PTPRQ: variants seen among roughly 807,000 people sequenced by gnomAD.
The protein encoded by PTPRQ is phosphatidylinositol phosphatase PTPRQ.
In PTPRQ, 199 loss-of-function variants were observed where a neutral mutation model predicts 246.0. The ratio of observed to expected loss-of-function variants is 0.81; its 90% CI spans 0.72 to 0.91. PTPRQ has a LOEUF of 0.91. Among genes scored for constraint, PTPRQ ranks in the 40% least tolerant of loss-of-function variants. PTPRQ has a pLI of 0.00. For missense variants in PTPRQ, 2,624 were observed against 2,528.4 expected (o/e 1.04, Z -0.81); for synonymous variants, 869 against 853.2 (o/e 1.02, Z -0.32).
chr12:80,533,754 G>T (rs1387580847), intron 17 of PTPRQ, among the ~76,000 whole-genome samples: 1 of 151,746 alleles, frequency 6.6e-6, no homozygotes, highest in African/African-American at 2.4e-5. Flanking sequence ...CATTAAAATT[G>T]GTCCAAGCAA....
At chr12:80,563,375 GC>G (rs1198283932) in intron 25 of PTPRQ, among the ~76,000 whole-genome samples, 20 of 151,714 alleles carry the variant, frequency 1.3e-4, no homozygotes, top group Admixed American at 3.3e-4. Flanking sequence ...ACTCGTGAGG[GC>G]AGAGCCCTCA....
chr12:80,462,036 G>A (rs56760815), intron 6 of PTPRQ: 224 of 700,846 alleles, frequency 3.2e-4, no homozygotes, highest in Non-Finnish European at 4.8e-4. Flanking sequence ...GCAGTGCGCC[G>A]TGAGAGAGCC....
chr12:80,644,442 C>T (rs1474408131), intron 35 of PTPRQ, among the ~76,000 whole-genome samples: 1 of 151,990 alleles, frequency 6.6e-6, no homozygotes, highest in African/African-American at 2.4e-5. Context: ...AATATCCTAC[C>T]AGTCTAAAAA....
At chr12:80,445,862 T>A (rs1045346429) in intron 3 of PTPRQ, 145 bp downstream of exon 3, 6 of 572,960 alleles carry the variant, frequency 1.0e-5, no homozygotes, top group African/African-American at 9.4e-5. Context: ...CACACCCACC[T>A]GAGATTTTAA....
chr12:80,506,667 G>A lies in PTPRQ; in HGVS notation c.2554G>A (p.Asp852Asn), dbSNP rs747909518. 7.8e-6 allele frequency: 12 copies of A among 1,539,926 alleles called. No individual in the cohort carries two copies. The East Asian group carries it at 2.5e-4, about 32-fold the overall frequency. Residue 852 changes from aspartate (D) to asparagine (N), a missense_variant, in exon 16 of 45, where the codon GAT becomes AAT. Asp to Asn is a conservative substitution (Grantham distance 23, BLOSUM62 1). Coordinates refer to ENST00000644991, the MANE Select transcript of PTPRQ (RefSeq NM_001145026.2). ...SAPISILTEEDAPDSPPQDFS... is the reference protein window; with the variant it reads ...SAPISILTEENAPDSPPQDFS... The stretch of plus-strand genomic sequence containing the variant: ...TCCCATAAGTATACTGACGGAGGAA[G>A]ATGGTAAATATAATAGTGGATATTG...
Position 80,610,520 on chromosome 12 carries a change from T to C in PTPRQ, c.4813T>C (p.Phe1605Leu). 6.5e-7 allele frequency: 1 copy of C among 1,535,956 alleles called. No individual in the cohort carries two copies. Among genetic ancestry groups the C allele is most frequent in the Non-Finnish European group, 8.8e-7 (1 of 1,138,168 alleles). ...KTIEIKDLEIFTRYSVVITAF... is the reference protein window; with the variant it reads ...KTIEIKDLEILTRYSVVITAF... The stretch of plus-strand genomic sequence containing the variant: ...CATAGAAATTAAAGATTTAGAAATA[T>C]TCACAAGGTATTCTGTAGTGATCAC... Residue 1605 changes from phenylalanine to leucine, a missense_variant, in exon 28 of 45, where the codon TTC (phenylalanine) becomes CTC (leucine). Transcript: ENST00000644991.
intron 44 of PTPRQ, 29 bp from the exon 45 acceptor site, chr12:80,678,957 C>A: frequency 1.3e-6 from 2 of 1,531,458 alleles, no homozygotes; most frequent in South Asian, 2.5e-5. Flanking sequence ...CTTCAACACT[C>A]TCTTGTAACA....
At chr12:80,506,783 C>A (rs1237132997) in intron 16 of PTPRQ, 113 bp downstream of exon 16, 2 of 832,838 alleles carry the variant, frequency 2.4e-6, no homozygotes, top group African/African-American at 1.8e-5. Context: ...AGTTGTGTAC[C>A]ATACCAGCGT....
At chr12:80,469,830 A>G (rs1049759142) in intron 7 of PTPRQ, among the ~76,000 whole-genome samples, 1 of 152,234 alleles carries the variant, frequency 6.6e-6, no homozygotes, top group Admixed American at 6.5e-5. Context: ...TGGCTGAAGT[A>G]CTCTTTCATT....
At chr12:80,545,940 C>T (rs1225316620) in intron 23 of PTPRQ, among the ~76,000 whole-genome samples, 1 of 151,754 alleles carries the variant, frequency 6.6e-6, no homozygotes, top group African/African-American at 2.4e-5. Context: ...ATTTAAATTG[C>T]AGACTGTAAT....
chr12:80,596,775 A>G (rs983379916), intron 26 of PTPRQ, among the ~76,000 whole-genome samples: 13 of 152,020 alleles, frequency 8.6e-5, no homozygotes, highest in African/African-American at 3.1e-4. Flanking sequence ...TGATTTAACT[A>G]TGAAAATTCC....
At chr12:80,525,321 T>C (rs1451325206) in intron 17 of PTPRQ, among the ~76,000 whole-genome samples, 7 of 152,120 alleles carry the variant, frequency 4.6e-5, no homozygotes, top group East Asian at 1.9e-4. Flanking sequence ...TAAGCAAAAA[T>C]GGGAATATAT....
At chr12:80,519,270 T>A (rs1208476044) in intron 17 of PTPRQ, among the ~76,000 whole-genome samples, 1 of 152,186 alleles carries the variant, frequency 6.6e-6, no homozygotes, top group Non-Finnish European at 1.5e-5. Context: ...AGTTATTAAC[T>A]GTTGATTTAG....
intron 8 of PTPRQ, among the ~76,000 whole-genome samples, chr12:80,483,987 T>G (rs1410875058): frequency 6.7e-6 from 1 of 149,222 alleles, no homozygotes; most frequent in Non-Finnish European, 1.5e-5. Context: ...CTTTCTTGTT[T>G]TTTGTTTGTT....
At chr12:80,658,089 A>G in intron 39 of PTPRQ, 28 bp downstream of exon 39, 1 of 1,222,346 alleles carries the variant, frequency 8.2e-7, no homozygotes, top group Non-Finnish European at 1.1e-6. Context: ...ATATTTTATA[A>G]TTGTATAAAA....
At chr12:80,585,665 T>C (rs1163058742) in intron 25 of PTPRQ, among the ~76,000 whole-genome samples, 1 of 152,134 alleles carries the variant, frequency 6.6e-6, no homozygotes, top group Non-Finnish European at 1.5e-5. Flanking sequence ...GCTTCAAATT[T>C]CTCTTTCTGA....
At position 80,495,063 on chromosome 12, in the gene PTPRQ, A is replaced by G. The variant is rs1046460539; in HGVS notation, c.1671A>G (p.Pro557=). 6.4e-7 allele frequency: 1 copy of G among 1,550,426 alleles called. No individual in the cohort carries two copies. Among genetic ancestry groups the G allele is most frequent in the African/African-American group, 1.4e-5 (1 of 72,930 alleles). ...TCACCATCATGGGAGAAGGACCACC[A>G]ACAGTTCTCAGTGTTAGGACACGTC... The part of the protein sequence containing the change: ...SAFTIMGEGP[P]TVLSVRTRQQ... The change falls in exon 11 of 45, where the codon CCA becomes CCG. Residue 557 remains proline (P), a synonymous_variant. Coordinates refer to ENST00000644991, the MANE Select transcript of PTPRQ (RefSeq NM_001145026.2).
At chr12:80,571,002 T>G (rs1243281559) in intron 25 of PTPRQ, among the ~76,000 whole-genome samples, 1 of 152,226 alleles carries the variant, frequency 6.6e-6, no homozygotes, top group African/African-American at 2.4e-5. Context: ...TAATATAGTT[T>G]GAAGCCAGGT....
At chr12:80,639,689 T>A (rs1311338140) in intron 35 of PTPRQ, among the ~76,000 whole-genome samples, 1 of 152,228 alleles carries the variant, frequency 6.6e-6, no homozygotes, top group Non-Finnish European at 1.5e-5. Flanking sequence ...AAATTCTACA[T>A]ATGTACTTTG....
Sources: gnomAD v4.1 joint callset for allele counts (sites outside exome capture counted in the v4.1 genomes callset) on GRCh38, gnomAD v4.1.1 for gene constraint, MANE v1.5 for transcripts, NCBI Gene and HGNC (gene_info 2026-07-23, HGNC 2026-07-21) for gene names.